FAS: variants seen among roughly 807,000 people sequenced by gnomAD.
FAS encodes Fas cell surface death receptor.
FAS carries 5 observed loss-of-function variants against 33.2 expected under a neutral mutation model. The observed-to-expected ratio is 0.15, with a 90% CI of 0.08 to 0.32. The LOEUF is 0.32. Among genes scored for constraint, FAS ranks in the 10% least tolerant of loss-of-function variants. The probability of loss-of-function intolerance (pLI) is 1.00; values close to 1 mark genes in which losing one functional copy is unlikely to be tolerated. For synonymous variants in FAS, 131 were observed against 130.7 expected (o/e 1.00, Z -0.01); for missense variants, 339 against 386.0 (o/e 0.88, Z 1.02).
At chr10:89,002,546 C>A (rs1847988004) in intron 1 of FAS, 1 of 171,960 alleles carries the variant, frequency 5.8e-6, no homozygotes. Context: ...CTCTTTCCTT[C>A]TCCACTATGC....
Position 89,007,817 on chromosome 10 carries a change from G to GA in FAS, c.315dup (p.Leu106IlefsTer3), listed in dbSNP as rs764241259. 6.2e-7 allele frequency: 1 copy of GA among 1,614,014 alleles called. No homozygotes were observed. Among genetic ancestry groups the GA allele is most frequent in the East Asian group, 2.2e-5 (1 of 44,886 alleles). On this transcript the variant is annotated frameshift_variant, in exon 3 of 9. Coordinates refer to ENST00000652046, the MANE Select transcript of FAS (RefSeq NM_000043.6). LOFTEE classifies it high-confidence loss of function. The stretch of plus-strand genomic sequence containing the variant: ...TTTTCTTCCAAATGCAGAAGATGTA[G>GA]ATTGTGTGATGAAGGACATGGTAAG...
intron 1 of FAS, among the ~76,000 whole-genome samples, chr10:88,993,250 A>C (rs1847369963): frequency 1.3e-5 from 2 of 152,232 alleles, no homozygotes; most frequent in Admixed American, 6.5e-5. Context: ...TAAAGGAGAC[A>C]GAAAAAGAGT....
chr10:88,981,785 T>C (rs1846719627), upstream of FAS, among the ~76,000 whole-genome samples: 3 of 152,262 alleles, frequency 2.0e-5, no homozygotes, highest in Admixed American at 2.0e-4. Context: ...CTCGTGGGTA[T>C]GTAAAGGTTT....
At chr10:88,971,195 C>G (rs1846438487) in intron 1 of FAS, among the ~76,000 whole-genome samples, 1 of 152,218 alleles carries the variant, frequency 6.6e-6, no homozygotes, top group African/African-American at 2.4e-5. Context: ...CTTGACCTCA[C>G]TTTTCCTAAA....
intron 2 of FAS, among the ~76,000 whole-genome samples, chr10:88,975,711 C>T (rs975448914): frequency 2.0e-5 from 3 of 152,026 alleles, no homozygotes; most frequent in African/African-American, 7.3e-5. Flanking sequence ...ACATATTGGC[C>T]TCTTAATAAA....
At position 89,010,573 on chromosome 10, in the gene FAS, A is replaced by T; in HGVS notation, c.478A>T (p.Thr160Ser). The change falls in exon 5 of 9, where the codon ACC becomes TCC. Residue 160 changes from threonine to serine, a missense_variant. Transcript: ENST00000652046. Reference protein sequence around the residue: ...EHGIIKECTLTSNTKCKEEGS... With the variant: ...EHGIIKECTLSSNTKCKEEGS... ...TGGAATCATCAAGGAATGCACACTC[A>T]CCAGCAACACCAAGTGCAAAGAGGA... 6.2e-7 allele frequency: 1 copy of T among 1,613,984 alleles called. No homozygotes were observed. Among genetic ancestry groups the T allele is most frequent in the Non-Finnish European group, 8.5e-7 (1 of 1,179,930 alleles).
chr10:88,975,421 G>A (rs986885887), intron 2 of FAS, among the ~76,000 whole-genome samples: 1 of 152,122 alleles, frequency 6.6e-6, no homozygotes, highest in Non-Finnish European at 1.5e-5. Context: ...GAAAGTGTTT[G>A]TTTTTTTCTT....
At chr10:88,984,481 C>T (rs1846815096), upstream of FAS, among the ~76,000 whole-genome samples, 1 of 152,230 alleles carries the variant, frequency 6.6e-6, no homozygotes, top group Non-Finnish European at 1.5e-5. Flanking sequence ...GCAAATGACA[C>T]TAGCACCAAA....
rs1195979746 is a variant in FAS at position 88,970,895 on chromosome 10, GTGTA to G, written n.95-2285_95-2282del. 4.9e-5 allele frequency among the ~76,000 whole-genome samples: 7 copies of G among 144,106 alleles called. 1 individual carries two copies. Among genetic ancestry groups the G allele is most frequent in the East Asian group, 4.0e-4 (2 of 4,986 alleles). The allele number at this position is 144,106 out of a possible 152,430, so 94.5% of individuals were successfully genotyped here. The stretch of plus-strand genomic sequence containing the variant: ...AAAAAGTGTGTGTGTGTGTGTGTGT[GTGTA>G]TATATATAAAGAATTCCCCACTTAA... On this transcript the variant is annotated intron_variant and non_coding_transcript_variant, in intron 1 of 3. Transcript: ENST00000688239.
intron 1 of FAS, among the ~76,000 whole-genome samples, chr10:88,971,583 T>A (rs753947068): frequency 3.3e-5 from 5 of 152,342 alleles, no homozygotes; most frequent in Non-Finnish European, 5.9e-5. Flanking sequence ...ATGATTTGGA[T>A]TTGCCTTTTT....
Position 89,007,741 on chromosome 10 carries a change from C to T in FAS, c.238C>T (p.Pro80Ser). ...ARDCTVNGDE[P>S]DCVPCQEGKE... ...GGACTGCACAGTCAATGGGGATGAA[C>T]CAGACTGCGTGCCCTGCCAAGAAGG... Residue 80 changes from proline to serine, a missense_variant, in exon 3 of 9, where the codon CCA (proline) becomes TCA (serine). By Grantham distance (74) the Pro-to-Ser change is moderately conservative (BLOSUM62 -1). Coordinates refer to ENST00000652046, the MANE Select transcript of FAS (RefSeq NM_000043.6). 1 of 1,613,928 alleles carries T rather than the reference C, an allele frequency of 6.2e-7. No individual in the cohort carries two copies. The highest frequency in any genetic ancestry group is 8.5e-7 in the Non-Finnish European group (1 of 1,179,938).
intron 2 of FAS, among the ~76,000 whole-genome samples, chr10:88,981,637 C>A (rs1247820595): frequency 6.6e-6 from 1 of 152,014 alleles, no homozygotes; most frequent in Non-Finnish European, 1.5e-5. Context: ...GTGGGGTGGG[C>A]AGAGTGGGAG....
upstream of FAS, chr10:88,990,755 G>C (rs2133383036): frequency 7.9e-7 from 1 of 1,272,676 alleles, no homozygotes; most frequent in Admixed American, 1.8e-5. The surrounding 1 kb of genome is among the most constrained non-coding windows in gnomAD (Gnocchi z 4.9). Flanking sequence ...CACTGGCACG[G>C]AACACACCCT....
At chr10:88,996,157 AAGAG>A (rs1167502147) in intron 1 of FAS, among the ~76,000 whole-genome samples, 1 of 152,022 alleles carries the variant, frequency 6.6e-6, no homozygotes, top group Non-Finnish European at 1.5e-5. Flanking sequence ...TATCTTGAAA[AAGAG>A]AGCGAGAGGA....
rs757780022 is a variant in FAS at position 89,003,183 on chromosome 10, C to A, written c.185C>A (p.Pro62His). ...LHHDGQFCHK[P>H]CPPGERKARD... ...CATGATGGCCAATTCTGCCATAAGC[C>A]CTGTCCTCCAGGTATGTTACACAAA... Residue 62 changes from proline (P) to histidine (H), a missense_variant, in exon 2 of 9, where the codon CCC (proline) becomes CAC (histidine). By Grantham distance (77) the Pro-to-His change is moderately conservative. Transcript: ENST00000652046. 3 of 1,614,000 alleles carry A rather than the reference C, an allele frequency of 1.9e-6. No homozygotes were observed. Among genetic ancestry groups the A allele is most frequent in the Non-Finnish European group, 2.5e-6 (3 of 1,179,950 alleles).
Position 89,016,191 on chromosome 10 carries a change from C to G in FAS, c.*1741C>G, listed in dbSNP as rs1234166666. 9.2e-6 allele frequency: 2 copies of G among 216,820 alleles called. No individual in the cohort carries two copies. Among genetic ancestry groups the G allele is most frequent in the Non-Finnish European group, 1.9e-5 (2 of 107,830 alleles). The allele number at this position is 216,820 out of a possible 1,614,324, so 13.4% of individuals were successfully genotyped here. ...AATGCTAGTAATATATTCTATTTAA[C>G]CCATGAGTCCCAAAGTATTAGCATT... On this transcript the variant is annotated 3_prime_UTR_variant, in exon 9 of 9. Coordinates refer to ENST00000652046, the MANE Select transcript of FAS (RefSeq NM_000043.6).
At chr10:89,009,998 C>G (rs1848441596) in intron 4 of FAS, among the ~76,000 whole-genome samples, 1 of 152,160 alleles carries the variant, frequency 6.6e-6, no homozygotes, top group Admixed American at 6.5e-5. Flanking sequence ...CTCAGACAAC[C>G]TGATTGTGAA....
chr10:88,980,576 C>T (rs1485608925), intron 2 of FAS, among the ~76,000 whole-genome samples: 1 of 152,174 alleles, frequency 6.6e-6, no homozygotes, highest in Non-Finnish European at 1.5e-5. Context: ...TACTGCTATT[C>T]CCTGAGGCCT....
At chr10:88,974,919 A>G (rs1846529030) in intron 2 of FAS, 1 of 152,200 alleles carries the variant, frequency 6.6e-6, no homozygotes, top group Admixed American at 6.5e-5. Context: ...TGTACAGATC[A>G]GCCACTTGCT....
Sources: gnomAD v4.1 joint callset for allele counts (sites outside exome capture counted in the v4.1 genomes callset) on GRCh38, gnomAD v4.1.1 for gene constraint, Gnocchi (gnomAD v3.1) non-coding constraint, MANE v1.5 for transcripts, NCBI Gene and HGNC (gene_info 2026-07-23, HGNC 2026-07-21) for gene names.